MYT1L: variants seen among roughly 807,000 people sequenced by gnomAD.
MYT1L encodes the protein myelin transcription factor 1-like protein.
In MYT1L, 12 loss-of-function variants were observed where a neutral mutation model predicts 126.7. The observed-to-expected ratio is 0.09, with a 90% CI of 0.06 to 0.15. The LOEUF is 0.15. Among genes scored for constraint, MYT1L ranks in the 10% least tolerant of loss-of-function variants. MYT1L has a pLI of 1.00. For synonymous variants in MYT1L, 541 were observed against 604.2 expected, an observed-to-expected ratio of 0.90 and a Z score of 1.53; for missense variants, 979 against 1,585.2, an observed-to-expected ratio of 0.62 and a Z score of 6.49.
intron 14 of MYT1L, among the ~76,000 whole-genome samples, chr2:1,895,930 A>G (rs1460600330): frequency 2.0e-5 from 3 of 152,240 alleles, no homozygotes; most frequent in East Asian, 1.9e-4. Flanking sequence ...AGATATTCAC[A>G]AACTATGTCA....
intron 18 of MYT1L, among the ~76,000 whole-genome samples, chr2:1,853,896 T>A (rs546394721): frequency 6.6e-6 from 1 of 152,270 alleles, no homozygotes; most frequent in African/African-American, 2.4e-5. Flanking sequence ...TTTGTGGTAG[T>A]TTTTATGTGT....
intron 3 of MYT1L, among the ~76,000 whole-genome samples, chr2:2,128,682 TA>T (rs2082006299): frequency 6.6e-6 from 1 of 152,136 alleles, no homozygotes; most frequent in African/African-American, 2.4e-5. Context: ...TTAAAGGAAA[TA>T]AATGGAAAAA....
At chr2:2,268,942 C>T (rs552421511) in intron 2 of MYT1L, among the ~76,000 whole-genome samples, 16 of 152,266 alleles carry the variant, frequency 1.1e-4, no homozygotes, top group African/African-American at 2.9e-4. Flanking sequence ...TTGATTAACT[C>T]GTGTTTTAGT....
intron 8 of MYT1L, among the ~76,000 whole-genome samples, chr2:1,962,171 C>T (rs1317837281): frequency 2.0e-5 from 3 of 152,134 alleles, no homozygotes; most frequent in East Asian, 3.9e-4. Flanking sequence ...ACCTTGCATG[C>T]ATTTTTCTAT....
intron 3 of MYT1L, among the ~76,000 whole-genome samples, chr2:2,145,678 T>TAC (rs923589296): frequency 6.0e-5 from 9 of 150,716 alleles, no homozygotes; most frequent in Admixed American, 2.6e-4. Flanking sequence ...AAGACACATA[T>TAC]ACACACACAC....
At chr2:2,104,892 T>C (rs1575185268) in intron 3 of MYT1L, among the ~76,000 whole-genome samples, 2 of 152,274 alleles carry the variant, frequency 1.3e-5, no homozygotes, top group Admixed American at 6.5e-5. Flanking sequence ...TTAACAGCTG[T>C]TACTCTTCTT....
chr2:2,287,108 T>C (rs1246216577), intron 1 of MYT1L, among the ~76,000 whole-genome samples: 1 of 152,030 alleles, frequency 6.6e-6, no homozygotes, highest in Admixed American at 6.6e-5. Flanking sequence ...AATAGAAAAT[T>C]AGCCAGGCGT....
At chr2:2,023,974 T>C (rs933465620) in intron 4 of MYT1L, among the ~76,000 whole-genome samples, 3 of 152,182 alleles carry the variant, frequency 2.0e-5, no homozygotes, top group Non-Finnish European at 2.9e-5. Context: ...GCAGAATTAC[T>C]TTGCCAGCTT....
At chr2:1,918,906 T>C (rs2053202532) in intron 10 of MYT1L, among the ~76,000 whole-genome samples, 2 of 152,210 alleles carry the variant, frequency 1.3e-5, no homozygotes, top group South Asian at 4.1e-4. Context: ...AGTAATTTCA[T>C]AATAATGTTG....
intron 3 of MYT1L, among the ~76,000 whole-genome samples, chr2:2,151,276 T>C (rs886567367): frequency 2.0e-5 from 3 of 152,174 alleles, no homozygotes; most frequent in African/African-American, 7.2e-5. Flanking sequence ...ATTGCTTTTA[T>C]GAATATTGGA....
intron 15 of MYT1L, among the ~76,000 whole-genome samples, chr2:1,891,117 C>G (rs2048818749): frequency 6.6e-6 from 1 of 150,608 alleles, no homozygotes; most frequent in Non-Finnish European, 1.5e-5. Context: ...ATATCTAGGA[C>G]TAAATATACT....
chr2:2,205,908 T>C (rs2093296358), intron 2 of MYT1L, among the ~76,000 whole-genome samples: 1 of 152,188 alleles, frequency 6.6e-6, no homozygotes, highest in African/African-American at 2.4e-5. Context: ...CATAACGTTT[T>C]ACATTATGGC....
intron 18 of MYT1L, among the ~76,000 whole-genome samples, chr2:1,866,349 T>G (rs1209231449): frequency 6.6e-6 from 1 of 151,394 alleles, no homozygotes; most frequent in Non-Finnish European, 1.5e-5. Flanking sequence ...CTTCCATAGG[T>G]GTGGATCATG....
intron 4 of MYT1L, among the ~76,000 whole-genome samples, chr2:2,001,818 T>G (rs2062421867): frequency 6.6e-6 from 1 of 152,196 alleles, no homozygotes; most frequent in African/African-American, 2.4e-5. Flanking sequence ...AGAAAAGGCC[T>G]CGTTCCAACC....
At chr2:1,863,743 G>GT (rs1553274281) in intron 18 of MYT1L, among the ~76,000 whole-genome samples, 15 of 150,652 alleles carry the variant, frequency 1.0e-4, no homozygotes, top group Non-Finnish European at 2.2e-4. Context: ...AACAAAAAAG[G>GT]GGGGGGCATT....
chr2:2,295,601 G>GAGAGAC (rs1559583853), intron 1 of MYT1L, among the ~76,000 whole-genome samples: 2 of 6,214 alleles, frequency 3.2e-4, no homozygotes, highest in African/African-American at 5.4e-4. Flanking sequence ...GACAGAGAGA[G>GAGAGAC]AGACAGACAG....
At chr2:2,277,159 AT>A (rs1011452595) in intron 2 of MYT1L, among the ~76,000 whole-genome samples, 11 of 151,134 alleles carry the variant, frequency 7.3e-5, no homozygotes, top group South Asian at 2.1e-4. Flanking sequence ...TTTTTTTTGT[AT>A]TTTTTTTAGT....
intron 1 of MYT1L, chr2:2,319,114 G>A (rs766102183): frequency 6.6e-6 from 1 of 152,206 alleles, no homozygotes; most frequent in African/African-American, 2.4e-5. Flanking sequence ...TGGATAACCA[G>A]GTTGGCAGCC....
At chr2:1,838,013 G>A (rs2041143026) in intron 21 of MYT1L, among the ~76,000 whole-genome samples, 2 of 151,916 alleles carry the variant, frequency 1.3e-5, no homozygotes, top group Non-Finnish European at 2.9e-5. Context: ...CTGGGTTCAA[G>A]TGATTATCCT....
Sources: allele counts gnomAD v4.1 joint callset (sites outside exome capture counted in the v4.1 genomes callset), GRCh38; gene constraint gnomAD v4.1.1; transcripts MANE v1.5; gene names NCBI Gene and HGNC (gene_info 2026-07-23, HGNC 2026-07-21).